Variants in BIN1 observed in about 807,000 individuals in gnomAD.
BIN1 encodes the protein myc box-dependent-interacting protein 1.
A neutral mutation model predicts 82.0 loss-of-function variants in BIN1; 53 were observed. That is an observed-to-expected ratio of 0.65 (90% CI 0.52 to 0.81). The LOEUF is 0.81. Ranked by LOEUF, BIN1 falls within the 40% of genes least tolerant of loss-of-function variation. The probability of loss-of-function intolerance (pLI) is 0.00; values close to 1 mark genes in which losing one functional copy is unlikely to be tolerated. For synonymous variants in BIN1, 302 were observed against 328.0 expected, an observed-to-expected ratio of 0.92 and a Z score of 0.86; for missense variants, 642 against 784.4, an observed-to-expected ratio of 0.82 and a Z score of 2.17.
rs1489079424 is a variant in BIN1 at position 127,052,239 on chromosome 2, G to A, written c.1371+16C>T. 2 of 1,560,560 alleles carry A rather than the reference G, an allele frequency of 1.3e-6. No individual in the cohort carries two copies. The highest frequency in any genetic ancestry group is 1.9e-5 in the Admixed American group (1 of 52,558). On this transcript the variant is annotated intron_variant, in intron 15 of 18. Transcript: ENST00000316724. ...ACTGGGGACAAGCCAGACAGGGGCTGGAGGTGGGCACTTACTTGGGCAGGC... is the reference window on the plus strand; with the variant it reads ...ACTGGGGACAAGCCAGACAGGGGCTAGAGGTGGGCACTTACTTGGGCAGGC...
At chr2:127,071,215 G>A (rs769346930) in intron 2 of BIN1, among the ~76,000 whole-genome samples, 3 of 152,194 alleles carry the variant, frequency 2.0e-5, no homozygotes, top group Non-Finnish European at 4.4e-5. Flanking sequence ...ATGAGCACAG[G>A]AGTATGGGCA....
intron 1 of BIN1, among the ~76,000 whole-genome samples, chr2:127,100,999 C>CGGGGGCGGGGG (rs559593064): frequency 1.4e-4 from 14 of 101,668 alleles, no homozygotes; most frequent in Middle Eastern, 5.3e-3. Context: ...TAGGAATGTG[C>CGGGGGCGGGGG]GGGGGGTGGG....
chr2:127,069,739 C>T (rs1285640872), intron 5 of BIN1, among the ~76,000 whole-genome samples: 1 of 147,848 alleles, frequency 6.8e-6, no homozygotes, highest in Non-Finnish European at 1.5e-5. Context: ...GCAACACACA[C>T]ACACACACAC....
In BIN1 at chr2:127,052,330, G is replaced by C; in HGVS notation, c.1296C>G (p.Ser432=). ...TGCCCTCGGCAGCGCTGGGCTCCCC[G>C]GAAGGCAGGCTGCCGGCTGGACTCT... is the stretch of plus-strand genomic sequence containing the variant. ...PTESPAGSLP[S]GEPSAAEGTF... is the part of the protein sequence containing the mutation. Residue 432 remains serine (S), a synonymous_variant, in exon 15 of 19, where the codon TCC becomes TCG. Coordinates refer to ENST00000316724, the MANE Select transcript of BIN1 (RefSeq NM_139343.3). 1.3e-6 allele frequency: 2 copies of C among 1,587,510 alleles called. No homozygotes were observed. The highest frequency in any genetic ancestry group is 1.7e-6 in the Non-Finnish European group (2 of 1,167,424).
chr2:127,106,053 C>G (rs753436478), intron 1 of BIN1, among the ~76,000 whole-genome samples: 8 of 152,260 alleles, frequency 5.3e-5, no homozygotes, highest in Non-Finnish European at 1.2e-4. Context: ...GCTCCATCCC[C>G]CATTCCAGCT....
chr2:127,053,567 G>A, intron 13 of BIN1, 122 bp from the exon 14 acceptor site: 11 of 1,316,044 alleles, frequency 8.4e-6, no homozygotes, highest in Non-Finnish European at 1.2e-5. Context: ...AGGCACAGGA[G>A]TGGCTCGGAG....
chr2:127,082,745 C>G lies in BIN1; in HGVS notation c.85-6039G>C, dbSNP rs892210821. 6.6e-6 allele frequency among the ~76,000 whole-genome samples: 1 copy of G among 152,122 alleles called. No individual in the cohort carries two copies. The highest frequency in any genetic ancestry group is 2.4e-5 in the African/African-American group (1 of 41,396). On this transcript the variant is annotated intron_variant, in intron 1 of 18. Coordinates refer to ENST00000316724, the MANE Select transcript of BIN1 (RefSeq NM_139343.3). This position sits in a 1 kb window ranked among gnomAD's most constrained non-coding sequence, Gnocchi z 6.1. ...TCCCTGCAACCAGACACACAGGACC[C>G]CTCTCCCGGCTGCTGCTCACACCTC... is the stretch of plus-strand genomic sequence containing the variant.
In BIN1 at chr2:127,073,797, C is replaced by T. The variant is rs970355550; in HGVS notation, c.165+2829G>A. 9.2e-5 allele frequency among the ~76,000 whole-genome samples: 14 copies of T among 152,162 alleles called. 1 individual carries two copies. Among genetic ancestry groups the T allele is most frequent in the Admixed American group, 6.5e-4 (10 of 15,286 alleles). On this transcript the variant is annotated intron_variant, in intron 2 of 18. Transcript: ENST00000316724. ...GCCCTGCAGCCTGGAAAGCTACAGA[C>T]GGACCCTAGGAAGAAGAGCTGGGAT...
chr2:127,077,574 G>A (rs1686781264), intron 1 of BIN1, among the ~76,000 whole-genome samples: 2 of 152,158 alleles, frequency 1.3e-5, no homozygotes, highest in Admixed American at 1.3e-4. Flanking sequence ...CCCTCTCTGG[G>A]CCCTGCTCCT....
At position 127,053,459 on chromosome 2, in the gene BIN1, T is replaced by C. The variant is rs987906095; in HGVS notation, c.1240-14A>G. The stretch of plus-strand genomic sequence containing the variant: ...CCATGGAATTGACTGAGCGCAGCAG[T>C]GAGGGCGAGAAGGACAGTTAGCACA... On this transcript the variant is annotated splice_polypyrimidine_tract_variant and intron_variant, in intron 13 of 18. Coordinates refer to ENST00000316724, the MANE Select transcript of BIN1 (RefSeq NM_139343.3). The C allele has an allele frequency of 6.2e-7, 1 of 1,613,722 alleles. No individual in the cohort carries two copies.
intron 12 of BIN1, chr2:127,055,640 T>C (rs1683556296): frequency 6.6e-6 from 1 of 150,408 alleles, no homozygotes; most frequent in Admixed American, 6.6e-5. Context: ...CTCCCTCCTG[T>C]CTCAGAAAAG....
chr2:127,101,655 A>C (rs1162175259), intron 1 of BIN1, among the ~76,000 whole-genome samples: 2 of 152,222 alleles, frequency 1.3e-5, no homozygotes, highest in Non-Finnish European at 2.9e-5. Context: ...GAATAAAGGA[A>C]TGAACACACA....
intron 1 of BIN1, among the ~76,000 whole-genome samples, chr2:127,081,406 C>G (rs1687276107): frequency 6.6e-6 from 1 of 152,220 alleles, no homozygotes; most frequent in Non-Finnish European, 1.5e-5. Flanking sequence ...AGGGCCGGGT[C>G]TTCGGGCTCA....
rs1416289159 is a variant in BIN1, at chr2:127,052,295, A to G, written c.1331T>C (p.Val444Ala). The change falls in exon 15 of 19, where the codon GTG (valine) becomes GCG (alanine). Residue 444 changes from valine (V) to alanine (A), a missense_variant. By Grantham distance (64) the Val-to-Ala change is moderately conservative. Coordinates refer to ENST00000316724, the MANE Select transcript of BIN1 (RefSeq NM_139343.3). ...CTCGGCCGTCTGGCTGGGCCAGGAC[A>G]CAGCAAAGGTGCCCTCGGCAGCGCT... ...EPSAAEGTFA[V>A]SWPSQTAEPG... 1 of 1,585,848 alleles carries G rather than the reference A, an allele frequency of 6.3e-7. No individual in the cohort carries two copies. The highest frequency in any genetic ancestry group is 1.2e-5 in the South Asian group (1 of 86,892).
chr2:127,054,108 GACACACACACAT>G, intron 12 of BIN1, 96 bp from the exon 13 acceptor site: 1 of 974,570 alleles, frequency 1.0e-6, no homozygotes, highest in Non-Finnish European at 1.6e-6. Flanking sequence ...CACACGCGTG[GACACACACACAT>G]ACACACACCA....
At chr2:127,075,238 T>C (rs1298320428) in intron 2 of BIN1, among the ~76,000 whole-genome samples, 2 of 152,224 alleles carry the variant, frequency 1.3e-5, no homozygotes, top group East Asian at 3.9e-4. Flanking sequence ...ATCAGCCCCA[T>C]CTCAAGGATT....
rs1403672156 is a variant in BIN1 at position 127,093,138 on chromosome 2, GGCTTACAGTATCACCTGGA to G, written c.84+13703_84+13721del. On this transcript the variant is annotated intron_variant, in intron 1 of 18. Coordinates refer to ENST00000316724, the MANE Select transcript of BIN1 (RefSeq NM_139343.3). This position sits in a 1 kb window ranked among gnomAD's most constrained non-coding sequence, Gnocchi z 5.7. ...GAGGGAGGGCGGAAGGGGAAGTGGGGGCTTACAGTATCACCTGGAGCCTGGCCCCCACAAGGCCCTGTCG... is the reference window on the plus strand; with the variant it reads ...GAGGGAGGGCGGAAGGGGAAGTGGGGGCCTGGCCCCCACAAGGCCCTGTCG... Among the ~76,000 whole-genome samples, 1 of 152,148 alleles carries G rather than the reference GGCTTACAGTATCACCTGGA, an allele frequency of 6.6e-6. No individual in the cohort carries two copies. The highest frequency in any genetic ancestry group is 1.5e-5 in the Non-Finnish European group (1 of 68,024).
Position 127,068,356 on chromosome 2 carries a change from G to T in BIN1, c.520-101C>A. On this transcript the variant is annotated intron_variant, in intron 6 of 18. Transcript: ENST00000316724. This position sits in a 1 kb window ranked among gnomAD's most constrained non-coding sequence, Gnocchi z 4.9. ...TTAAATGCAGGTCCACACGCCCCACGCGCGGGGGCCACCCCAAGCAGATAT... is the reference window on the plus strand; with the variant it reads ...TTAAATGCAGGTCCACACGCCCCACTCGCGGGGGCCACCCCAAGCAGATAT... 2 of 921,130 alleles carry T rather than the reference G, an allele frequency of 2.2e-6. No individual in the cohort carries two copies. The highest frequency in any genetic ancestry group is 3.4e-6 in the Non-Finnish European group (2 of 596,874). 57.1% of individuals were successfully genotyped at this position (921,130 alleles called of 1,614,324 possible).
intron 18 of BIN1, among the ~76,000 whole-genome samples, chr2:127,049,324 A>T (rs890781791): frequency 6.6e-6 from 1 of 151,988 alleles, no homozygotes; most frequent in African/African-American, 2.4e-5. Flanking sequence ...TTGAAATCCT[A>T]CCCAGCCAGG....
Sources: allele counts gnomAD v4.1 joint callset (sites outside exome capture counted in the v4.1 genomes callset), GRCh38; gene constraint gnomAD v4.1.1; non-coding constraint Gnocchi (gnomAD v3.1); transcripts MANE v1.5; gene names NCBI Gene and HGNC (gene_info 2026-07-23, HGNC 2026-07-21).